ESCO1: variants seen among roughly 807,000 people sequenced by gnomAD.
The protein encoded by ESCO1 is establishment of sister chromatid cohesion N-acetyltransferase 1.
A neutral mutation model predicts 83.5 loss-of-function variants in ESCO1; 33 were observed. That is an observed-to-expected ratio of 0.40 (90% CI 0.30 to 0.53). The LOEUF (loss-of-function observed/expected upper bound fraction) is 0.53. Among genes scored for constraint, ESCO1 ranks in the 20% least tolerant of loss-of-function variants. The probability of loss-of-function intolerance (pLI) is 0.63; values close to 1 mark genes in which losing one functional copy is unlikely to be tolerated. For synonymous variants in ESCO1, 332 were observed against 324.3 expected (o/e 1.02, Z -0.25); for missense variants, 855 against 968.0 (o/e 0.88, Z 1.55).
At chr18:21,553,149 G>C (rs893649365) in intron 8 of ESCO1, among the ~76,000 whole-genome samples, 5 of 152,044 alleles carry the variant, frequency 3.3e-5, no homozygotes, top group African/African-American at 1.2e-4. Flanking sequence ...AATTAGTCAA[G>C]CACGGTGGTG....
chr18:21,594,060 G>C (rs1364781411), intron 1 of ESCO1, among the ~76,000 whole-genome samples: 1 of 152,156 alleles, frequency 6.6e-6, no homozygotes, highest in African/African-American at 2.4e-5. Flanking sequence ...CAGCAGCCCC[G>C]ACCTCCATCC....
intron 6 of ESCO1, 62 bp from the exon 7 acceptor site, chr18:21,564,379 G>T: frequency 9.0e-7 from 1 of 1,107,188 alleles, no homozygotes. Context: ...ATTTGAAGGG[G>T]AAAAAATAAC....
chr18:21,552,729 A>G (rs1300541532), intron 8 of ESCO1, among the ~76,000 whole-genome samples: 3 of 152,246 alleles, frequency 2.0e-5, no homozygotes, highest in African/African-American at 7.2e-5. Context: ...AGAAAAGGCA[A>G]TATAATGGAG....
intron 1 of ESCO1, among the ~76,000 whole-genome samples, chr18:21,584,802 C>T (rs1355914153): frequency 3.9e-5 from 6 of 152,012 alleles, no homozygotes; most frequent in Non-Finnish European, 8.8e-5. Flanking sequence ...GCCTGGGTGA[C>T]ACAGTGACAC....
chr18:21,592,327 G>A (rs1189589647), intron 1 of ESCO1, among the ~76,000 whole-genome samples: 2 of 150,684 alleles, frequency 1.3e-5, no homozygotes, highest in Non-Finnish European at 3.0e-5. Context: ...AGGGGCGGCC[G>A]GGCAGAGGCG....
intron 1 of ESCO1, among the ~76,000 whole-genome samples, chr18:21,585,424 T>G (rs1434074966): frequency 6.6e-6 from 1 of 152,146 alleles, no homozygotes; most frequent in Non-Finnish European, 1.5e-5. Context: ...TATCATTTGT[T>G]AAAAAATAGT....
chr18:21,590,294 T>C (rs1445383557), intron 1 of ESCO1, among the ~76,000 whole-genome samples: 15 of 151,242 alleles, frequency 9.9e-5, no homozygotes, highest in Admixed American at 9.9e-4. Flanking sequence ...TGATCTCAGC[T>C]CACTGCAACC....
chr18:21,579,336 T>C lies in ESCO1; in HGVS notation c.-693-3559A>G, dbSNP rs115300458. Among the ~76,000 whole-genome samples the C allele has an allele frequency of 5.3e-3, 805 of 152,030 alleles. 5 individuals are homozygous for C. The highest frequency in any genetic ancestry group is 0.018 in the African/African-American group (767 of 41,472). The stretch of plus-strand genomic sequence containing the variant: ...AGCTGAGCATGGTGGCACGCGCCTG[T>C]AGACAGGCCCAGCTACTCGGGAGGC... On this transcript the variant is annotated intron_variant, in intron 2 of 11. Transcript: ENST00000269214.
chr18:21,532,593 C>G lies in ESCO1; in HGVS notation c.2255G>C (p.Arg752Thr). 1 of 1,614,160 alleles carries G rather than the reference C, an allele frequency of 6.2e-7. No individual in the cohort carries two copies. The highest frequency in any genetic ancestry group is 8.5e-7 in the Non-Finnish European group (1 of 1,179,998). Residue 752 changes from arginine to threonine, a missense_variant, in exon 11 of 12, where the codon AGG becomes ACG. Physicochemically the swap from Arg to Thr is moderately conservative, Grantham distance 71. Coordinates refer to ENST00000269214, the MANE Select transcript of ESCO1 (RefSeq NM_052911.3). ...RSEEEKVRFE[R>T]QKAWCCSTLP... ...TGTTGAGCAGCACCAGGCTTTTTGC[C>G]TTTCAAATCTGACTTTTTCTTCTTC...
intron 8 of ESCO1, chr18:21,540,584 G>A (rs1239603059): frequency 1.5e-6 from 2 of 1,319,836 alleles, no homozygotes; most frequent in Admixed American, 2.3e-5. Context: ...TACCTTCTAA[G>A]AATCTAATAG....
At chr18:21,573,163 G>C in intron 4 of ESCO1, 151 bp downstream of exon 4, 1 of 673,384 alleles carries the variant, frequency 1.5e-6, no homozygotes, top group Non-Finnish European at 2.3e-6. Context: ...TCACAAGACT[G>C]GGTTAATAAA....
chr18:21,539,770 C>T (rs893321953), intron 9 of ESCO1, 150 bp downstream of exon 9: 10 of 584,396 alleles, frequency 1.7e-5, no homozygotes. Flanking sequence ...ATCCCTTGAA[C>T]CCGGGAGACA....
In ESCO1 at chr18:21,575,427, G is replaced by A. The variant is rs1054370606; in HGVS notation, c.-584C>T. The A allele has an allele frequency of 2.5e-5, 10 of 397,814 alleles. No individual in the cohort carries two copies. Among genetic ancestry groups the A allele is most frequent in the East Asian group, 1.4e-4 (4 of 27,990 alleles). The allele number at this position is 397,814 out of a possible 1,614,324, so 24.6% of individuals were successfully genotyped here. On this transcript the variant is annotated 5_prime_UTR_variant, in exon 4 of 12. It adds an upstream start codon to the 5' untranslated region. Transcript: ENST00000269214. ...AATATAGATTTCCTTTTGTGCTGCC[G>A]TTTCTGAAAAATTAAAAAACAAAAA...
Position 21,583,292 on chromosome 18 carries a change from A to G in ESCO1, c.-694+1018T>C, listed in dbSNP as rs150568689. Among the ~76,000 whole-genome samples, 8 of 152,258 alleles carry G rather than the reference A, an allele frequency of 5.3e-5. No homozygotes were observed. In the East Asian group the frequency reaches 1.5e-3, roughly 29 times the overall value. ...CTAGACACAAAAGAGTACATACTGTATGATTCCACTTTTCAAGAAATTCTG... is the reference window on the plus strand; with the variant it reads ...CTAGACACAAAAGAGTACATACTGTGTGATTCCACTTTTCAAGAAATTCTG... On this transcript the variant is annotated intron_variant, in intron 2 of 11. Coordinates refer to ENST00000269214, the MANE Select transcript of ESCO1 (RefSeq NM_052911.3).
Position 21,574,139 on chromosome 18 carries a change from G to A in ESCO1, c.705C>T (p.Asp235=), listed in dbSNP as rs142852707. The part of the protein sequence containing the change: ...EKCPQKTTRR[D]ETKPVPVTSE... Reference sequence around the variant, plus strand: ...AAGTTACAGGCACAGGTTTCGTTTCGTCTCTTCTAGTAGTCTTCTGAGGAC... The same window carrying A: ...AAGTTACAGGCACAGGTTTCGTTTCATCTCTTCTAGTAGTCTTCTGAGGAC... The change falls in exon 4 of 12, where the codon GAC becomes GAT. Residue 235 remains aspartate (D), a synonymous_variant. Coordinates refer to ENST00000269214, the MANE Select transcript of ESCO1 (RefSeq NM_052911.3). The A allele has an allele frequency of 1.5e-4, 240 of 1,613,648 alleles. 2 individuals carry two copies. The East Asian group carries it at 5.0e-3, about 34-fold the overall frequency.
chr18:21,585,939 G>T (rs2038569716), intron 1 of ESCO1, among the ~76,000 whole-genome samples: 1 of 152,050 alleles, frequency 6.6e-6, no homozygotes, highest in African/African-American at 2.4e-5. Flanking sequence ...ACATATTTCT[G>T]GGGTACATGT....
At chr18:21,545,987 T>C (rs921888869) in intron 8 of ESCO1, among the ~76,000 whole-genome samples, 18 of 152,284 alleles carry the variant, frequency 1.2e-4, no homozygotes, top group African/African-American at 4.3e-4. Context: ...TATGGCCATA[T>C]TGAACTTCAA....
chr18:21,542,559 G>A (rs2037920275), intron 8 of ESCO1, among the ~76,000 whole-genome samples: 2 of 152,258 alleles, frequency 1.3e-5, no homozygotes, highest in South Asian at 4.2e-4. Flanking sequence ...TAAGATGACT[G>A]CTCAAAGAGT....
At chr18:21,591,430 C>G (rs1239597321) in intron 1 of ESCO1, among the ~76,000 whole-genome samples, 1 of 152,190 alleles carries the variant, frequency 6.6e-6, no homozygotes, top group South Asian at 2.1e-4. Context: ...CTCTCCTAAG[C>G]AGGCTATATA....
Sources: gnomAD v4.1 joint callset for allele counts (sites outside exome capture counted in the v4.1 genomes callset) on GRCh38, gnomAD v4.1.1 for gene constraint, MANE v1.5 for transcripts, NCBI Gene and HGNC (gene_info 2026-07-23, HGNC 2026-07-21) for gene names.